DIAPH3: variants seen among roughly 807,000 people sequenced by gnomAD.
DIAPH3 encodes protein diaphanous homolog 3.
In DIAPH3, 117 loss-of-function variants were observed where a neutral mutation model predicts 144.3. That is an observed-to-expected ratio of 0.81 (90% CI 0.70 to 0.95). The LOEUF is 0.95. Ranked by LOEUF, DIAPH3 falls within the 40% of genes least tolerant of loss-of-function variation. DIAPH3 has a pLI of 0.00. For missense variants in DIAPH3, 1,421 were observed against 1,412.7 expected, an observed-to-expected ratio of 1.01 and a Z score of -0.09; for synonymous variants, 519 against 488.9, an observed-to-expected ratio of 1.06 and a Z score of -0.81.
At chr13:60,032,288 G>T (rs2141112939) in intron 5 of DIAPH3, among the ~76,000 whole-genome samples, 1 of 152,312 alleles carries the variant, frequency 6.6e-6, no homozygotes, top group South Asian at 2.1e-4. Flanking sequence ...CAACTAGGTA[G>T]TGCCCCACTG....
chr13:60,104,313 C>A (rs1312204111), intron 3 of DIAPH3, among the ~76,000 whole-genome samples: 1 of 151,892 alleles, frequency 6.6e-6, no homozygotes, highest in African/African-American at 2.4e-5. Flanking sequence ...TTTGGTTTTA[C>A]CAATAGTGGG....
At chr13:59,964,497 C>A (rs1227043408) in intron 17 of DIAPH3, among the ~76,000 whole-genome samples, 1 of 151,942 alleles carries the variant, frequency 6.6e-6, no homozygotes, top group African/African-American at 2.4e-5. Flanking sequence ...ACAGATGTTA[C>A]AATGCATAAA....
At chr13:60,123,848 T>C (rs1566797988) in intron 2 of DIAPH3, among the ~76,000 whole-genome samples, 1 of 152,200 alleles carries the variant, frequency 6.6e-6, no homozygotes, top group Non-Finnish European at 1.5e-5. Flanking sequence ...GAGCCTTATA[T>C]CCTACTAGAA....
Position 60,136,749 on chromosome 13 carries a change from C to A in DIAPH3, c.181-3760G>T, listed in dbSNP as rs528978028. Among the ~76,000 whole-genome samples the A allele has an allele frequency of 2.6e-5, 4 of 151,904 alleles. No individual in the cohort carries two copies. The East Asian group carries it at 7.8e-4, about 30-fold the overall frequency. On this transcript the variant is annotated intron_variant, in intron 1 of 27. Transcript: ENST00000400324. ...AGGAGATCGAGACCATCCTGGCTAA[C>A]ACAGTGAAACCCCGTCTCTACTAAA...
chr13:59,737,057 C>T (rs1254853683), intron 27 of DIAPH3, among the ~76,000 whole-genome samples: 1 of 152,014 alleles, frequency 6.6e-6, no homozygotes, highest in Non-Finnish European at 1.5e-5. Flanking sequence ...CCCTGGAAGA[C>T]AACCTAGGCA....
chr13:59,759,471 G>A (rs2037460792), intron 27 of DIAPH3, among the ~76,000 whole-genome samples: 1 of 152,120 alleles, frequency 6.6e-6, no homozygotes, highest in Non-Finnish European at 1.5e-5. Context: ...ATAGTACCTA[G>A]AGTTACTGAC....
intron 27 of DIAPH3, among the ~76,000 whole-genome samples, chr13:59,764,063 T>A (rs1320588059): frequency 6.6e-6 from 1 of 151,910 alleles, no homozygotes; most frequent in Admixed American, 6.6e-5. Flanking sequence ...AAGAACTAAG[T>A]GGCAAAAGGG....
In DIAPH3 at chr13:60,032,228, T is replaced by C. The variant is rs558385281; in HGVS notation, c.626+10462A>G. Reference sequence around the variant, plus strand: ...CCAGGTGTAGGGTGCAAGCTGCTGGTCAATCTACCATTCTTGGGTCTGAAG... The same window carrying C: ...CCAGGTGTAGGGTGCAAGCTGCTGGCCAATCTACCATTCTTGGGTCTGAAG... On this transcript the variant is annotated intron_variant, in intron 5 of 27. Coordinates refer to ENST00000400324, the MANE Select transcript of DIAPH3 (RefSeq NM_001042517.2). Among the ~76,000 whole-genome samples the C allele has an allele frequency of 7.2e-5, 11 of 152,228 alleles. No individual in the cohort carries two copies. In the East Asian group the frequency reaches 2.1e-3, roughly 29 times the overall value.
intron 22 of DIAPH3, among the ~76,000 whole-genome samples, chr13:59,843,677 G>T (rs1192822695): frequency 6.6e-6 from 1 of 152,202 alleles, no homozygotes; most frequent in Non-Finnish European, 1.5e-5. Flanking sequence ...TGCTTCACCA[G>T]AAGTCTCTGA....
At chr13:59,810,987 T>C in intron 24 of DIAPH3, 64 bp from the exon 25 acceptor site, 4 of 1,448,320 alleles carry the variant, frequency 2.8e-6, no homozygotes, top group Non-Finnish European at 3.8e-6. Flanking sequence ...TGGAAAGTTA[T>C]CTATTTGAAA....
chr13:59,714,326 C>G (rs369932106), intron 27 of DIAPH3, among the ~76,000 whole-genome samples: 4 of 144,868 alleles, frequency 2.8e-5, no homozygotes, highest in African/African-American at 5.2e-5. Context: ...CGCCACTGCA[C>G]TCCAGCCTGG....
intron 21 of DIAPH3, among the ~76,000 whole-genome samples, chr13:59,862,697 G>C (rs2043669664): frequency 6.6e-6 from 1 of 152,132 alleles, no homozygotes; most frequent in African/African-American, 2.4e-5. Context: ...ATCTATCTAT[G>C]TATAGAACAG....
chr13:59,802,273 A>T lies in DIAPH3; in HGVS notation c.3163+8515T>A, dbSNP rs571652231. On this transcript the variant is annotated intron_variant, in intron 25 of 27. Coordinates refer to ENST00000400324, the MANE Select transcript of DIAPH3 (RefSeq NM_001042517.2). ...GTTGCTGAAACAATCAGCAGCCCAG[A>T]TGCTTGCTAGCATTTCAAAAGTTCA... Among the ~76,000 whole-genome samples the T allele has an allele frequency of 5.3e-5, 8 of 152,328 alleles. No homozygotes were observed. In the South Asian group the frequency reaches 1.7e-3, roughly 32 times the overall value.
chr13:59,885,806 G>A (rs933992085), intron 20 of DIAPH3, among the ~76,000 whole-genome samples: 4 of 152,114 alleles, frequency 2.6e-5, no homozygotes, highest in South Asian at 2.1e-4. Flanking sequence ...GCCAAGGATC[G>A]TGAGTAGATT....
At chr13:59,723,777 A>AT (rs370600420) in intron 27 of DIAPH3, among the ~76,000 whole-genome samples, 4,570 of 149,038 alleles carry the variant, frequency 0.031, 236 homozygotes, top group African/African-American at 0.11. Context: ...CACCCAGCTA[A>AT]TTTTTTTTTG....
intron 27 of DIAPH3, among the ~76,000 whole-genome samples, chr13:59,713,098 C>T (rs947034219): frequency 6.6e-6 from 1 of 152,152 alleles, no homozygotes; most frequent in African/African-American, 2.4e-5. Context: ...CCACCCAGTT[C>T]CTAACATGCT....
intron 23 of DIAPH3, chr13:59,838,805 A>C (rs1933223149): frequency 6.5e-6 from 1 of 154,796 alleles, no homozygotes; most frequent in African/African-American, 2.4e-5. Flanking sequence ...AAAAAAATAG[A>C]AATTAATGAT....
intron 8 of DIAPH3, among the ~76,000 whole-genome samples, chr13:60,008,980 GAT>G (rs1373034748): frequency 6.6e-6 from 1 of 152,124 alleles, no homozygotes; most frequent in African/African-American, 2.4e-5. Flanking sequence ...CCGTATTATA[GAT>G]TAGGAGACTA....
At chr13:59,838,488 A>C (rs1429861865) in intron 23 of DIAPH3, 2 of 152,046 alleles carry the variant, frequency 1.3e-5, no homozygotes, top group Non-Finnish European at 2.9e-5. Flanking sequence ...GACTATAATA[A>C]ACTCCATTTT....
Sources: gnomAD v4.1 joint callset for allele counts (sites outside exome capture counted in the v4.1 genomes callset) on GRCh38, gnomAD v4.1.1 for gene constraint, MANE v1.5 for transcripts, NCBI Gene and HGNC (gene_info 2026-07-23, HGNC 2026-07-21) for gene names.